Variants in LPIN1 observed in about 807,000 individuals in gnomAD.
LPIN1 encodes phosphatidate phosphatase LPIN1.
Under a neutral mutation model 107.5 loss-of-function variants are expected in LPIN1, and 71 were observed. The observed-to-expected ratio is 0.66, with a 90% CI of 0.55 to 0.80. The LOEUF (loss-of-function observed/expected upper bound fraction) is 0.80, where lower values mean the gene tolerates loss of function less well. Ranked by LOEUF, LPIN1 falls within the 30% of genes least tolerant of loss-of-function variation. LPIN1 has a pLI of 0.00. For missense variants in LPIN1, 1,043 were observed against 1,160.6 expected, an observed-to-expected ratio of 0.90 and a Z score of 1.47; for synonymous variants, 445 against 452.6, an observed-to-expected ratio of 0.98 and a Z score of 0.21.
Position 11,825,589 on chromosome 2 carries a change from A to G in LPIN1, c.*798A>G, listed in dbSNP as rs1682268083. ...CAACGCCTTAGATTAAAATGACAGT[A>G]AATATTACTAAGGCAGTATTTTGAA... On this transcript the variant is annotated 3_prime_UTR_variant, in exon 21 of 21. Coordinates refer to ENST00000674199, the MANE Select transcript of LPIN1 (RefSeq NM_001349206.2). The surrounding 1 kb of genome is among the most constrained non-coding windows in gnomAD (Gnocchi z 4.1). 6.6e-6 allele frequency: 1 copy of G among 152,614 alleles called. No homozygotes were observed. The highest frequency in any genetic ancestry group is 6.5e-5 in the Admixed American group (1 of 15,276). The allele number at this position is 152,614 out of a possible 1,614,324, so 9.5% of individuals were successfully genotyped here. A position where few individuals can be genotyped will look rare whatever the true frequency, so the allele number is the denominator to read the frequency against.
chr2:11,799,847 GC>G (rs1303057892), intron 14 of LPIN1, among the ~76,000 whole-genome samples: 1 of 152,096 alleles, frequency 6.6e-6, no homozygotes, highest in African/African-American at 2.4e-5. Flanking sequence ...AGGTAATGTA[GC>G]CCGAAGTTAC....
In LPIN1 at chr2:11,765,714, T is replaced by G; in HGVS notation, c.173T>G (p.Leu58Arg). 1 of 1,611,004 alleles carries G rather than the reference T, an allele frequency of 6.2e-7. No homozygotes were observed. Among genetic ancestry groups the G allele is most frequent in the Admixed American group, 1.7e-5 (1 of 59,886 alleles). The change falls in exon 2 of 21, where the codon CTG becomes CGG. Residue 58 changes from leucine (L) to arginine (R), a missense_variant. Physicochemically the swap from Leu to Arg is moderately radical, Grantham distance 102. Transcript: ENST00000674199. This position sits in a 1 kb window ranked among gnomAD's most constrained non-coding sequence, Gnocchi z 4.4. ...GTCCGCTTTGGGAAGATGGGGGTCC[T>G]GCGCTCCCGAGAGAAAGTGGTGAGC... is the stretch of plus-strand genomic sequence containing the variant. ...FHVRFGKMGVLRSREKVVDIE... is the reference protein window; with the variant it reads ...FHVRFGKMGVRRSREKVVDIE...
In LPIN1 at chr2:11,687,449, G is replaced by C. The variant is rs569578641; in HGVS notation, c.81+9721G>C. ...CGGCTGGGCTCAGGGAGGGGCAGGC[G>C]GATGTGATATCTCCTATAGCATGGA... is the stretch of plus-strand genomic sequence containing the variant. On this transcript the variant is annotated intron_variant, in intron 1 of 21. Transcript: ENST00000449576. Among the ~76,000 whole-genome samples the C allele has an allele frequency of 3.3e-5, 5 of 151,890 alleles. No individual in the cohort carries two copies. In the East Asian group the frequency reaches 5.8e-4, roughly 18 times the overall value.
chr2:11,796,616 C>T (rs1307307293), intron 14 of LPIN1, among the ~76,000 whole-genome samples: 2 of 152,076 alleles, frequency 1.3e-5, no homozygotes, highest in African/African-American at 4.8e-5. Flanking sequence ...GGTGGTGTCC[C>T]AGGTGCCTCC....
chr2:11,684,932 G>A (rs970124849), intron 1 of LPIN1, among the ~76,000 whole-genome samples: 29 of 114,768 alleles, frequency 2.5e-4, no homozygotes, highest in Non-Finnish European at 4.9e-4. Flanking sequence ...GAAATGAGCC[G>A]TGAATAAAAC....
At chr2:11,809,325 T>A (rs1179447875) in intron 17 of LPIN1, among the ~76,000 whole-genome samples, 1 of 152,190 alleles carries the variant, frequency 6.6e-6, no homozygotes, top group Admixed American at 6.5e-5. Context: ...ACTTACCGTG[T>A]TTCCCGAGGT....
At chr2:11,679,613 G>C (rs1350340207) in intron 1 of LPIN1, among the ~76,000 whole-genome samples, 1 of 152,188 alleles carries the variant, frequency 6.6e-6, no homozygotes, top group African/African-American at 2.4e-5. Flanking sequence ...CAACCTTCCT[G>C]TGTGTTTGAT....
At chr2:11,770,036 G>A (rs1671593965) in intron 3 of LPIN1, among the ~76,000 whole-genome samples, 1 of 152,184 alleles carries the variant, frequency 6.6e-6, no homozygotes. Context: ...CTGCATACCT[G>A]CTCTTCACTT....
At chr2:11,806,557 T>TC (rs1189171849) in intron 17 of LPIN1, among the ~76,000 whole-genome samples, 4 of 151,736 alleles carry the variant, frequency 2.6e-5, no homozygotes, top group Admixed American at 1.3e-4. Flanking sequence ...ATAGTGAGAT[T>TC]CCCCCCCATC....
rs140055349 is a variant in LPIN1 at position 11,682,000 on chromosome 2, G to A, written c.81+4272G>A. The stretch of plus-strand genomic sequence containing the variant: ...CGCGAACCCCCTGAAATGCCTGTGT[G>A]GGCTGCCCCCTGGTCCTGGGAGGGC... On this transcript the variant is annotated intron_variant, in intron 1 of 21. Coordinates refer to the LPIN1 transcript ENST00000449576. Among the ~76,000 whole-genome samples the A allele has an allele frequency of 2.8e-3, 424 of 152,322 alleles. 8 individuals carry two copies. Among genetic ancestry groups the A allele is most frequent in the Admixed American group, 0.025 (389 of 15,302 alleles).
intron 1 of LPIN1, among the ~76,000 whole-genome samples, chr2:11,709,676 A>T (rs779187464): frequency 5.9e-5 from 9 of 152,232 alleles, no homozygotes; most frequent in Non-Finnish European, 8.8e-5. Context: ...TCTATATGAA[A>T]ATGTTACCCT....
intron 1 of LPIN1, among the ~76,000 whole-genome samples, chr2:11,753,781 A>G (rs1668244066): frequency 6.6e-6 from 1 of 152,208 alleles, no homozygotes; most frequent in African/African-American, 2.4e-5. Context: ...CTATTTATAA[A>G]TCAATTTCAT....
intron 17 of LPIN1, 167 bp downstream of exon 17, chr2:11,805,323 A>C: frequency 1.5e-6 from 1 of 681,272 alleles, no homozygotes; most frequent in South Asian, 1.6e-5. Flanking sequence ...TCCAGAGTGA[A>C]AGTGAATCCC....
rs146100011 is a variant in LPIN1 at position 11,795,453 on chromosome 2, G to C, written c.1852G>C (p.Gly618Arg). 5 of 1,613,998 alleles carry C rather than the reference G, an allele frequency of 3.1e-6. No homozygotes were observed. The African/African-American group carries it at 4.0e-5, about 13-fold the overall frequency. The change falls in exon 14 of 21, where the codon GGA (glycine) becomes CGA (arginine). Residue 618 changes from glycine to arginine, a missense_variant. Gly to Arg is a moderately radical substitution (Grantham distance 125). Transcript: ENST00000674199. ...CTTGGCTGGCAAGGCCCATAGCACC[G>C]GAGAGCAACCGCCGCAGCTCAGCTT... ...QCLAGKAHST[G>R]EQPPQLSLAT...
intron 14 of LPIN1, among the ~76,000 whole-genome samples, chr2:11,800,579 A>T (rs1316853545): frequency 6.6e-6 from 1 of 151,908 alleles, no homozygotes; most frequent in Non-Finnish European, 1.5e-5. Flanking sequence ...GCTAATTTTT[A>T]AATTTTTTGT....
intron 1 of LPIN1, among the ~76,000 whole-genome samples, chr2:11,688,613 G>T (rs1227057083): frequency 6.6e-6 from 1 of 152,216 alleles, no homozygotes. Flanking sequence ...GCGCTGTCAC[G>T]CTGAGACCCG....
chr2:11,723,974 T>C (rs1664352478), upstream of LPIN1: 1 of 152,230 alleles, frequency 6.6e-6, no homozygotes, highest in African/African-American at 2.4e-5. Context: ...TTAGCCGAGA[T>C]ACCATCAAAT....
chr2:11,692,289 C>CACATACTTGGCACATACTTGGA (rs1662312485), intron 1 of LPIN1, among the ~76,000 whole-genome samples: 1 of 142,650 alleles, frequency 7.0e-6, no homozygotes. Flanking sequence ...CTTGCCTTGG[C>CACATACTTGGCACATACTTGGA]ACATACTTGG....
chr2:11,694,724 A>G (rs1662484730), intron 1 of LPIN1, among the ~76,000 whole-genome samples: 1 of 152,230 alleles, frequency 6.6e-6, no homozygotes, highest in Admixed American at 6.5e-5. Context: ...TGTTAATTTT[A>G]TACTCTGGGT....
Sources: allele counts gnomAD v4.1 joint callset (sites outside exome capture counted in the v4.1 genomes callset), GRCh38; gene constraint gnomAD v4.1.1; non-coding constraint Gnocchi (gnomAD v3.1); transcripts MANE v1.5; gene names NCBI Gene and HGNC (gene_info 2026-07-23, HGNC 2026-07-21).